The following RAMP1 variants were observed in gnomAD, a reference collection of about 807,000 sequenced individuals.
RAMP1 encodes the protein receptor activity modifying protein 1.
RAMP1 carries 7 observed loss-of-function variants against 8.2 expected under a neutral mutation model. That is an observed-to-expected ratio of 0.85 (90% CI 0.49 to 1.60). The LOEUF (loss-of-function observed/expected upper bound fraction) is 1.60, where lower values mean the gene tolerates loss of function less well. RAMP1 is among the 40% of genes most tolerant of loss of function. RAMP1 has a pLI of 0.00. For synonymous variants in RAMP1, 92 were observed against 84.7 expected, an observed-to-expected ratio of 1.09 and a Z score of -0.47; for missense variants, 192 against 202.4, an observed-to-expected ratio of 0.95 and a Z score of 0.31.
At chr2:237,901,662 G>A (rs1383308239) in intron 2 of RAMP1, among the ~76,000 whole-genome samples, 1 of 152,198 alleles carries the variant, frequency 6.6e-6, no homozygotes, top group African/African-American at 2.4e-5. Context: ...GTAATGGTGA[G>A]CACTGAAGGC....
intron 2 of RAMP1, among the ~76,000 whole-genome samples, chr2:237,909,079 G>T (rs2062681944): frequency 6.6e-6 from 1 of 152,166 alleles, no homozygotes; most frequent in East Asian, 1.9e-4. Flanking sequence ...TGCCCCCATG[G>T]GGCAAGGGCT....
At chr2:237,887,682 C>T (rs912107183) in intron 2 of RAMP1, among the ~76,000 whole-genome samples, 1 of 152,194 alleles carries the variant, frequency 6.6e-6, no homozygotes, top group African/African-American at 2.4e-5. Flanking sequence ...CTCACACCTG[C>T]AATCCCAGCA....
chr2:237,896,391 G>A (rs891446704), intron 2 of RAMP1, among the ~76,000 whole-genome samples: 2 of 152,164 alleles, frequency 1.3e-5, no homozygotes, highest in African/African-American at 4.8e-5. Context: ...GGGCAGAGGC[G>A]CCCAGATTCC....
chr2:237,896,535 C>T (rs560073350), intron 2 of RAMP1, among the ~76,000 whole-genome samples: 1 of 152,360 alleles, frequency 6.6e-6, no homozygotes, highest in East Asian at 1.9e-4. Context: ...GGGACCTCCC[C>T]ATCACCTCAG....
chr2:237,899,725 G>A lies in RAMP1; in HGVS notation c.192-11803G>A, dbSNP rs184324070. Among the ~76,000 whole-genome samples, 396 of 152,342 alleles carry A rather than the reference G, an allele frequency of 2.6e-3. 1 individual carries two copies. The highest frequency in any genetic ancestry group is 2.9e-3 in the Non-Finnish European group (194 of 68,036). ...TGTCATGCCATCTCAAGAGGCTTGGGATCAGGGTTTGTTAACTTTTTTAAA... is the reference window on the plus strand; with the variant it reads ...TGTCATGCCATCTCAAGAGGCTTGGAATCAGGGTTTGTTAACTTTTTTAAA... On this transcript the variant is annotated intron_variant, in intron 2 of 2. Coordinates refer to ENST00000254661, the MANE Select transcript of RAMP1 (RefSeq NM_005855.4).
At chr2:237,881,293 C>A (rs970796418) in intron 2 of RAMP1, among the ~76,000 whole-genome samples, 1 of 152,226 alleles carries the variant, frequency 6.6e-6, no homozygotes, top group Non-Finnish European at 1.5e-5. Flanking sequence ...CAGAGTCTTT[C>A]AGCCATTTTC....
intron 2 of RAMP1, among the ~76,000 whole-genome samples, chr2:237,896,995 G>A (rs1018306171): frequency 6.6e-6 from 1 of 152,216 alleles, no homozygotes; most frequent in African/African-American, 2.4e-5. Flanking sequence ...AAATGTCCTG[G>A]GGGTGTGATG....
intron 1 of RAMP1, among the ~76,000 whole-genome samples, chr2:237,864,426 C>G (rs953878718): frequency 6.6e-6 from 1 of 152,214 alleles, no homozygotes; most frequent in Non-Finnish European, 1.5e-5. Context: ...GACTGACACC[C>G]GGGGTGGCTC....
intron 2 of RAMP1, among the ~76,000 whole-genome samples, chr2:237,892,762 C>G (rs766400793): frequency 1.3e-5 from 2 of 150,836 alleles, no homozygotes; most frequent in African/African-American, 4.9e-5. Context: ...TCTCTCTTCT[C>G]CATCCTTCTC....
At chr2:237,906,380 A>AAAAACAGTGACCGTAC (rs2062650803) in intron 2 of RAMP1, among the ~76,000 whole-genome samples, 1 of 152,126 alleles carries the variant, frequency 6.6e-6, no homozygotes, top group African/African-American at 2.4e-5. Flanking sequence ...GCCAGGAAGG[A>AAAAACAGTGACCGTAC]AAAACAGTGA....
At chr2:237,864,317 C>T (rs191986587) in intron 1 of RAMP1, among the ~76,000 whole-genome samples, 31 of 137,720 alleles carry the variant, frequency 2.3e-4, no homozygotes, top group African/African-American at 9.4e-4. Context: ...CAACCATGCG[C>T]GTGTTTGCTT....
In RAMP1 at chr2:237,885,457, G is replaced by A. The variant is rs555114226; in HGVS notation, c.191+8095G>A. ...GTGCCCTCGTGGGTTTGTTCATGGC[G>A]GTGTCCGCCCTGGAACTTGCCACAT... On this transcript the variant is annotated intron_variant, in intron 2 of 2. Coordinates refer to ENST00000254661, the MANE Select transcript of RAMP1 (RefSeq NM_005855.4). 4.5e-4 allele frequency among the ~76,000 whole-genome samples: 68 copies of A among 152,370 alleles called. 1 individual carries two copies. Among genetic ancestry groups the A allele is most frequent in the African/African-American group, 1.3e-3 (53 of 41,594 alleles).
At chr2:237,867,009 G>A (rs548892964) in intron 1 of RAMP1, among the ~76,000 whole-genome samples, 29 of 152,262 alleles carry the variant, frequency 1.9e-4, no homozygotes, top group Admixed American at 9.1e-4. Context: ...GATTACAGGC[G>A]TGAGCCACTG....
At chr2:237,909,271 G>A (rs1389059663) in intron 2 of RAMP1, among the ~76,000 whole-genome samples, 1 of 152,180 alleles carries the variant, frequency 6.6e-6, no homozygotes, top group Non-Finnish European at 1.5e-5. Context: ...CAGCCCTCCA[G>A]CCTTCCCAAA....
rs925686585 is a variant in RAMP1 at position 237,865,893 on chromosome 2, G to C, written c.52+6166G>C. On this transcript the variant is annotated intron_variant, in intron 1 of 2. Transcript: ENST00000254661. This position sits in a 1 kb window ranked among gnomAD's most constrained non-coding sequence, Gnocchi z 4.2. ...CAGGGTCCTTTGCAGGAGAGGCAGC[G>C]GCGAAAGCTGCCCTTAGGAGGCAGC... Among the ~76,000 whole-genome samples, 101 of 152,074 alleles carry C rather than the reference G, an allele frequency of 6.6e-4. No individual in the cohort carries two copies. Among genetic ancestry groups the C allele is most frequent in the African/African-American group, 2.4e-3 (99 of 41,512 alleles).
intron 2 of RAMP1, among the ~76,000 whole-genome samples, chr2:237,879,237 G>A (rs554650465): frequency 6.6e-6 from 1 of 152,256 alleles, no homozygotes; most frequent in South Asian, 2.1e-4. Flanking sequence ...GGAAGTGATG[G>A]TTAATTTGTG....
chr2:237,892,921 AC>A (rs1410430331), intron 2 of RAMP1, among the ~76,000 whole-genome samples: 2 of 152,100 alleles, frequency 1.3e-5, no homozygotes, highest in African/African-American at 4.8e-5. Flanking sequence ...ATCAGTAATA[AC>A]CCTTGCTCTG....
chr2:237,876,006 G>A (rs764203170), intron 1 of RAMP1, among the ~76,000 whole-genome samples: 7 of 152,086 alleles, frequency 4.6e-5, no homozygotes, highest in South Asian at 2.1e-4. Context: ...ACCTGGGGCC[G>A]AGTTCTGAAC....
At position 237,911,554 on chromosome 2, in the gene RAMP1, C is replaced by T. The variant is rs1297209097; in HGVS notation, c.218C>T (p.Thr73Ile). The T allele has an allele frequency of 6.2e-7, 1 of 1,614,030 alleles. No homozygotes were observed. The highest frequency in any genetic ancestry group is 1.3e-5 in the African/African-American group (1 of 74,946). The stretch of plus-strand genomic sequence containing the variant: ...AGCTACAGGGAGCTGGCCGACTGCA[C>T]CTGGCACATGGCGGAGAAGCTGGGC... ...IRSYRELADC[T>I]WHMAEKLGCF... Residue 73 changes from threonine to isoleucine, a missense_variant, in exon 3 of 3, where the codon ACC becomes ATC. Coordinates refer to ENST00000254661, the MANE Select transcript of RAMP1 (RefSeq NM_005855.4).
Sources: allele counts gnomAD v4.1 joint callset (sites outside exome capture counted in the v4.1 genomes callset), GRCh38; gene constraint gnomAD v4.1.1; non-coding constraint Gnocchi (gnomAD v3.1); transcripts MANE v1.5; gene names NCBI Gene and HGNC (gene_info 2026-07-23, HGNC 2026-07-21).